The following CFAP58 variants were observed in gnomAD, a reference collection of about 807,000 sequenced individuals.
The protein encoded by CFAP58 is cilia and flagella associated protein 58.
Under a neutral mutation model 119.5 loss-of-function variants are expected in CFAP58, and 88 were observed. That is an observed-to-expected ratio of 0.74 (90% CI 0.62 to 0.88). The LOEUF is 0.88. CFAP58 is among the 40% of genes least tolerant of loss of function. The probability of loss-of-function intolerance (pLI) is 0.00; values close to 1 mark genes in which losing one functional copy is unlikely to be tolerated. For synonymous variants in CFAP58, 365 were observed against 366.3 expected, an observed-to-expected ratio of 1.00 and a Z score of 0.04; for missense variants, 990 against 1,021.2, an observed-to-expected ratio of 0.97 and a Z score of 0.42.
chr10:104,422,396 G>T (rs1024134997), intron 15 of CFAP58, among the ~76,000 whole-genome samples: 2 of 152,180 alleles, frequency 1.3e-5, no homozygotes, highest in African/African-American at 4.8e-5. Flanking sequence ...CTCTGTGATA[G>T]CCTGAGTATC....
upstream of CFAP58, chr10:104,353,724 GC>G: frequency 3.4e-6 from 2 of 584,182 alleles, no homozygotes; most frequent in South Asian, 2.3e-5. Flanking sequence ...TCCCGCTAGC[GC>G]CCCTAGAGGG....
At chr10:104,408,129 A>G (rs1252862754) in intron 15 of CFAP58, among the ~76,000 whole-genome samples, 1 of 152,232 alleles carries the variant, frequency 6.6e-6, no homozygotes, top group Admixed American at 6.5e-5. Context: ...TTGGGTATAC[A>G]GTAAATAGCC....
chr10:104,417,909 C>A (rs967290354), intron 15 of CFAP58, among the ~76,000 whole-genome samples: 1 of 152,198 alleles, frequency 6.6e-6, no homozygotes, highest in Non-Finnish European at 1.5e-5. Context: ...CAATGATAAA[C>A]CAGGTTTGGG....
upstream of CFAP58, among the ~76,000 whole-genome samples, chr10:104,349,703 C>T (rs1389809849): frequency 2.6e-5 from 4 of 152,156 alleles, no homozygotes; most frequent in African/African-American, 7.2e-5. Flanking sequence ...TATTAAGCAA[C>T]TATTTACATG....
rs549720794 is a variant in CFAP58, at chr10:104,447,941, G to C, written c.2376+124G>C. The C allele has an allele frequency of 4.0e-5, 50 of 1,238,432 alleles. No homozygotes were observed. In the Admixed American group the frequency reaches 1.1e-3, roughly 27 times the overall value. The allele number at this position is 1,238,432 out of a possible 1,614,324, so 76.7% of individuals were successfully genotyped here. Reference sequence around the variant, plus strand: ...TCAATGCCACGATCCTCTGAGGTCAGCTCCCTTAGAGCTCTAGTCTAGGAT... The same window carrying C: ...TCAATGCCACGATCCTCTGAGGTCACCTCCCTTAGAGCTCTAGTCTAGGAT... On this transcript the variant is annotated intron_variant, in intron 16 of 17. Coordinates refer to ENST00000369704, the MANE Select transcript of CFAP58 (RefSeq NM_001008723.2).
At chr10:104,435,486 A>G (rs182437851) in intron 15 of CFAP58, among the ~76,000 whole-genome samples, 52 of 152,354 alleles carry the variant, frequency 3.4e-4, no homozygotes, top group Admixed American at 8.5e-4. Context: ...TGTCTCTGAC[A>G]TAAATAAACA....
intron 12 of CFAP58, among the ~76,000 whole-genome samples, chr10:104,400,476 A>T: frequency 6.6e-6 from 1 of 152,044 alleles, no homozygotes; most frequent in Middle Eastern, 3.2e-3. Flanking sequence ...ATTATTAAGG[A>T]TTATCTGTTG....
At chr10:104,351,425 G>A (rs1007352397), upstream of CFAP58, among the ~76,000 whole-genome samples, 1 of 152,202 alleles carries the variant, frequency 6.6e-6, no homozygotes, top group Admixed American at 6.5e-5. Context: ...TAACACAGAA[G>A]AATTTGGAAT....
At chr10:104,425,932 G>C (rs1368520200) in intron 15 of CFAP58, among the ~76,000 whole-genome samples, 1 of 152,146 alleles carries the variant, frequency 6.6e-6, no homozygotes, top group Admixed American at 6.6e-5. Flanking sequence ...AAATCCATGA[G>C]ATCTTAAAAA....
chr10:104,428,888 C>A (rs1243214169), intron 15 of CFAP58, among the ~76,000 whole-genome samples: 2 of 152,098 alleles, frequency 1.3e-5, no homozygotes, highest in African/African-American at 4.8e-5. Flanking sequence ...ATCTGCCGAG[C>A]AAGTATGTTG....
At chr10:104,438,616 C>T (rs533333348) in intron 15 of CFAP58, among the ~76,000 whole-genome samples, 2 of 152,164 alleles carry the variant, frequency 1.3e-5, no homozygotes, top group Admixed American at 6.5e-5. Context: ...ACCTCATGAT[C>T]CACCCACCTC....
chr10:104,360,506 G>A (rs950790216), intron 2 of CFAP58, among the ~76,000 whole-genome samples: 1 of 152,124 alleles, frequency 6.6e-6, no homozygotes, highest in African/African-American at 2.4e-5. Context: ...TTTAAGTGCA[G>A]GGGTACATGT....
At position 104,454,408 on chromosome 10, in the gene CFAP58, C is replaced by A. The variant is rs7081300; in HGVS notation, c.2511-14C>A. The A allele has an allele frequency of 2.5e-6, 4 of 1,592,986 alleles. No individual in the cohort carries two copies. Among genetic ancestry groups the A allele is most frequent in the Non-Finnish European group, 2.6e-6 (3 of 1,161,246 alleles). ...GGATGTTAAGGAAGCTAACTTTCAC[C>A]TCCTCTCTTACAGAAACAAGGACAC... On this transcript the variant is annotated splice_polypyrimidine_tract_variant and intron_variant, in intron 17 of 17. Transcript: ENST00000369704.
intron 14 of CFAP58, among the ~76,000 whole-genome samples, chr10:104,404,617 C>CT (rs982868507): frequency 1.4e-4 from 20 of 147,688 alleles, no homozygotes; most frequent in South Asian, 4.3e-4. Flanking sequence ...TTTTGTTTTT[C>CT]TTTTTTTTTT....
intron 9 of CFAP58, among the ~76,000 whole-genome samples, chr10:104,383,753 A>AACACACACACACACACACACACAC (rs59181888): frequency 1.9e-4 from 27 of 145,850 alleles, no homozygotes; most frequent in Non-Finnish European, 3.3e-4. Flanking sequence ...TTTACTGTCC[A>AACACACACACACACACACACACAC]ACACACACAC....
chr10:104,385,460 G>GA (rs890768561), intron 9 of CFAP58, among the ~76,000 whole-genome samples: 1 of 151,546 alleles, frequency 6.6e-6, no homozygotes, highest in African/African-American at 2.4e-5. Context: ...AAAGAAAAAA[G>GA]AAAAAAAAGG....
intron 7 of CFAP58, among the ~76,000 whole-genome samples, chr10:104,373,755 T>A (rs1039127135): frequency 3.3e-5 from 5 of 151,648 alleles, no homozygotes; most frequent in Non-Finnish European, 7.4e-5. Flanking sequence ...AGAAATGAAA[T>A]AGAATAGAAA....
chr10:104,431,693 T>C (rs2012850038), intron 15 of CFAP58, among the ~76,000 whole-genome samples: 1 of 152,234 alleles, frequency 6.6e-6, no homozygotes, highest in Non-Finnish European at 1.5e-5. Context: ...CCATTTCTTT[T>C]CTGCCTTTTC....
intron 1 of CFAP58, among the ~76,000 whole-genome samples, chr10:104,357,935 AC>A (rs1564876037): frequency 2.4e-5 from 3 of 123,332 alleles, no homozygotes; most frequent in Non-Finnish European, 4.8e-5. Context: ...ACATATACAC[AC>A]ATATATGTAC....
Sources: allele counts gnomAD v4.1 joint callset (sites outside exome capture counted in the v4.1 genomes callset), GRCh38; gene constraint gnomAD v4.1.1; transcripts MANE v1.5; gene names NCBI Gene and HGNC (gene_info 2026-07-23, HGNC 2026-07-21).